The following HIVEP1 variants were observed in gnomAD, a reference collection of about 807,000 sequenced individuals.
HIVEP1 encodes HIVEP zinc finger 1.
In HIVEP1, 36 loss-of-function variants were observed where a neutral mutation model predicts 180.0. The ratio of observed to expected loss-of-function variants is 0.20; its 90% CI spans 0.15 to 0.26. HIVEP1 has a LOEUF of 0.26. Among genes scored for constraint, HIVEP1 ranks in the 10% least tolerant of loss-of-function variants. The pLI, the probability that HIVEP1 is intolerant of heterozygous loss-of-function variation, is 1.00. For synonymous variants in HIVEP1, 1,239 were observed against 1,239.0 expected, an observed-to-expected ratio of 1.00 and a Z score of 0.00; for missense variants, 3,143 against 3,268.7, an observed-to-expected ratio of 0.96 and a Z score of 0.94.
rs1490998071 is a variant in HIVEP1 at position 12,124,290 on chromosome 6, A to G, written c.4495A>G (p.Ser1499Gly). Reference protein sequence around the residue: ...KDLQAETSNSSSTNVFPVQQL... With the variant: ...KDLQAETSNSGSTNVFPVQQL... Reference sequence around the variant, plus strand: ...TCTGCAGGCAGAAACATCAAACTCCAGCTCTACCAACGTTTTTCCTGTTCA... The same window carrying G: ...TCTGCAGGCAGAAACATCAAACTCCGGCTCTACCAACGTTTTTCCTGTTCA... The change falls in exon 4 of 9, where the codon AGC (serine) becomes GGC (glycine). Residue 1499 changes from serine (S) to glycine (G), a missense_variant. By Grantham distance (56) the Ser-to-Gly change is moderately conservative. Transcript: ENST00000379388. The G allele has an allele frequency of 6.2e-7, 1 of 1,613,972 alleles. No individual in the cohort carries two copies. Among genetic ancestry groups the G allele is most frequent in the East Asian group, 2.2e-5 (1 of 44,900 alleles).
At chr6:12,208,904 G>T in the HIVEP1 span, among the ~76,000 whole-genome samples, 1 of 152,120 alleles carries the variant, frequency 6.6e-6, no homozygotes, top group African/African-American at 2.4e-5. Context: ...TAATACAGTG[G>T]GTGTTGCGTT....
At chr6:12,116,889 A>G (rs1314404139) in intron 3 of HIVEP1, among the ~76,000 whole-genome samples, 1 of 152,216 alleles carries the variant, frequency 6.6e-6, no homozygotes, top group East Asian at 1.9e-4. Flanking sequence ...AAGATCATAA[A>G]TGTATTTAAG....
At chr6:12,168,028 A>G (rs865789557), downstream of HIVEP1, among the ~76,000 whole-genome samples, 16 of 62,818 alleles carry the variant, frequency 2.5e-4, 2 homozygotes, top group African/African-American at 1.3e-3. Context: ...GTATATATGT[A>G]TATATTATAT....
At chr6:12,075,504 T>C (rs1772291700) in intron 2 of HIVEP1, among the ~76,000 whole-genome samples, 1 of 152,124 alleles carries the variant, frequency 6.6e-6, no homozygotes, top group Admixed American at 6.6e-5. Context: ...CTGTCACATG[T>C]CATTTCTTGT....
intron 7 of HIVEP1, among the ~76,000 whole-genome samples, chr6:12,144,134 G>T (rs36147437): frequency 0.31 from 47,199 of 151,996 alleles, 7,674 homozygotes; most frequent in Middle Eastern, 0.47. Context: ...CAAACTATAC[G>T]ACAAGGCTAC....
intron 7 of HIVEP1, among the ~76,000 whole-genome samples, 190 bp from the exon 8 acceptor site, chr6:12,161,249 C>G (rs1760375850): frequency 6.6e-6 from 1 of 152,214 alleles, no homozygotes; most frequent in Admixed American, 6.5e-5. Context: ...AGCTGCCCTC[C>G]TCTGAATCCT....
At position 12,120,281 on chromosome 6, in the gene HIVEP1, A is replaced by T. The variant is rs551121869; in HGVS notation, c.486A>T (p.Gln162His). The change falls in exon 4 of 9, where the codon CAA becomes CAT. Residue 162 changes from glutamine to histidine, a missense_variant. Gln to His is a conservative substitution (Grantham distance 24). Coordinates refer to ENST00000379388, the MANE Select transcript of HIVEP1 (RefSeq NM_002114.4). ...CCAAATTCAGTGACCTCGATGAACA[A>T]TGTGACTCAAGTTCCTTGTCAAGTA... ...DPAKFSDLDEQCDSSSLSSKT... is the reference protein window; with the variant it reads ...DPAKFSDLDEHCDSSSLSSKT... 6.2e-7 allele frequency: 1 copy of T among 1,614,176 alleles called. No homozygotes were observed. Among genetic ancestry groups the T allele is most frequent in the Non-Finnish European group, 8.5e-7 (1 of 1,180,024 alleles).
rs545585991 is a variant in HIVEP1, at chr6:12,154,176, C to T, written c.6488-7263C>T. 1.7e-3 allele frequency among the ~76,000 whole-genome samples: 260 copies of T among 152,306 alleles called. 1 individual carries two copies. Among genetic ancestry groups the T allele is most frequent in the African/African-American group, 5.7e-3 (239 of 41,566 alleles). On this transcript the variant is annotated intron_variant, in intron 7 of 8. Transcript: ENST00000379388. ...CCAGCACCACTGAATTTATTCTAGT[C>T]GTCTCCATTTCCTTCTCTTCTTCAC... is the stretch of plus-strand genomic sequence containing the variant.
At chr6:12,162,058 AT>A in intron 8 of HIVEP1, 129 bp downstream of exon 8, 7 of 820,232 alleles carry the variant, frequency 8.5e-6, no homozygotes, top group South Asian at 1.8e-5. Flanking sequence ...GTATAGCTTT[AT>A]TTTTTTCTTG....
intron 7 of HIVEP1, among the ~76,000 whole-genome samples, chr6:12,146,448 AAAT>A (rs933803576): frequency 6.6e-6 from 1 of 152,230 alleles, no homozygotes; most frequent in African/African-American, 2.4e-5. Context: ...CATCTCAAAA[AAAT>A]AATAATAATA....
chr6:12,066,094 C>T (rs1771561186), intron 2 of HIVEP1, among the ~76,000 whole-genome samples: 2 of 152,124 alleles, frequency 1.3e-5, no homozygotes, highest in Non-Finnish European at 2.9e-5. Context: ...AAGCTGTGTG[C>T]TGTGGGCATC....
chr6:12,082,812 T>C (rs986720822), intron 2 of HIVEP1, among the ~76,000 whole-genome samples: 19 of 152,170 alleles, frequency 1.2e-4, no homozygotes, highest in African/African-American at 4.6e-4. Context: ...CGAGTATCCT[T>C]AGTGCCGGCA....
At chr6:12,167,685 TAA>T (rs1304312922), downstream of HIVEP1, among the ~76,000 whole-genome samples, 5 of 108,346 alleles carry the variant, frequency 4.6e-5, no homozygotes, top group East Asian at 3.1e-4. Flanking sequence ...TATATGTGTA[TAA>T]TATATATACA....
At position 12,120,155 on chromosome 6, in the gene HIVEP1, T is replaced by C; in HGVS notation, c.360T>C (p.Ala120=). 1 of 1,614,210 alleles carries C rather than the reference T, an allele frequency of 6.2e-7. No homozygotes were observed. Among genetic ancestry groups the C allele is most frequent in the Admixed American group, 1.7e-5 (1 of 60,028 alleles). ...KQNGETPGII[A]EASKSEESVS... is the part of the protein sequence containing the mutation. The stretch of plus-strand genomic sequence containing the variant: ...ATGGAGAAACACCTGGAATAATTGC[T>C]GAAGCCTCAAAATCTGAAGAATCTG... Residue 120 remains alanine, a synonymous_variant, in exon 4 of 9, where the codon GCT becomes GCC. Transcript: ENST00000379388.
intron 7 of HIVEP1, among the ~76,000 whole-genome samples, chr6:12,145,915 T>A (rs1012888554): frequency 1.4e-4 from 22 of 152,152 alleles, no homozygotes; most frequent in African/African-American, 5.1e-4. Flanking sequence ...CTCTAAAATC[T>A]GTAGTCCTGC....
chr6:12,014,985 T>A (rs1767639893), intron 1 of HIVEP1, among the ~76,000 whole-genome samples: 1 of 152,140 alleles, frequency 6.6e-6, no homozygotes, highest in Non-Finnish European at 1.5e-5. Flanking sequence ...AACTAAATGC[T>A]CCAGCCTGGA....
intron 3 of HIVEP1, among the ~76,000 whole-genome samples, chr6:12,102,668 G>A (rs187175930): frequency 3.3e-5 from 5 of 152,272 alleles, no homozygotes; most frequent in African/African-American, 1.2e-4. Flanking sequence ...CAAAAATACA[G>A]CTTGATGTAC....
intron 2 of HIVEP1, among the ~76,000 whole-genome samples, chr6:12,051,989 G>C (rs1425759547): frequency 6.6e-6 from 1 of 152,130 alleles, no homozygotes; most frequent in African/African-American, 2.4e-5. Context: ...TGTGTGGGGG[G>C]ACTTTCCAAC....
chr6:12,166,173 A>G (rs1420438420), downstream of HIVEP1, among the ~76,000 whole-genome samples: 1 of 152,188 alleles, frequency 6.6e-6, no homozygotes, highest in African/African-American at 2.4e-5. Flanking sequence ...CTCAAAATTA[A>G]TGTTTTAACT....
Sources: allele counts gnomAD v4.1 joint callset (sites outside exome capture counted in the v4.1 genomes callset), GRCh38; gene constraint gnomAD v4.1.1; transcripts MANE v1.5; gene names NCBI Gene and HGNC (gene_info 2026-07-23, HGNC 2026-07-21).